PCGF5: variants seen among roughly 807,000 people sequenced by gnomAD.
The protein encoded by PCGF5 is polycomb group RING finger protein 5.
In PCGF5, 9 loss-of-function variants were observed where a neutral mutation model predicts 44.3. The ratio of observed to expected loss-of-function variants is 0.20; its 90% CI spans 0.12 to 0.35. The LOEUF is 0.35. PCGF5 is among the 10% of genes least tolerant of loss of function. The pLI is 1.00. For missense variants in PCGF5, 146 were observed against 305.3 expected, an observed-to-expected ratio of 0.48 and a Z score of 3.89; for synonymous variants, 95 against 102.5, an observed-to-expected ratio of 0.93 and a Z score of 0.44.
chr10:91,207,071 C>T (rs1844361318), intron 1 of PCGF5, among the ~76,000 whole-genome samples: 1 of 152,182 alleles, frequency 6.6e-6, no homozygotes, highest in South Asian at 2.1e-4. Context: ...AGAACATAGC[C>T]TCGCCCACTG....
intron 2 of PCGF5, among the ~76,000 whole-genome samples, chr10:91,225,790 C>A (rs1457163816): frequency 6.6e-6 from 1 of 151,950 alleles, no homozygotes; most frequent in African/African-American, 2.4e-5. Context: ...AATATAAATA[C>A]AAACAAATAT....
At chr10:91,243,188 A>G (rs1166691482) in intron 3 of PCGF5, among the ~76,000 whole-genome samples, 1 of 152,198 alleles carries the variant, frequency 6.6e-6, no homozygotes, top group African/African-American at 2.4e-5. Context: ...GTATACCAGG[A>G]GACTAAGGAG....
chr10:91,173,561 C>T (rs1279284577), intron 1 of PCGF5, among the ~76,000 whole-genome samples: 1 of 120,058 alleles, frequency 8.3e-6, no homozygotes, highest in African/African-American at 3.4e-5. Context: ...TTTTATTCTT[C>T]TGCTAGAGGG....
chr10:91,259,339 A>G (rs1370829200), intron 6 of PCGF5, among the ~76,000 whole-genome samples: 3 of 152,134 alleles, frequency 2.0e-5, no homozygotes, highest in South Asian at 2.1e-4. Flanking sequence ...GTTGAACCCT[A>G]TGGCTCCTCA....
chr10:91,260,488 C>T (rs1175751412), intron 6 of PCGF5, among the ~76,000 whole-genome samples: 1 of 152,080 alleles, frequency 6.6e-6, no homozygotes, highest in African/African-American at 2.4e-5. Context: ...ATAAATCATG[C>T]TGCTATAAAG....
intron 9 of PCGF5, among the ~76,000 whole-genome samples, chr10:91,274,479 T>C (rs1212554496): frequency 2.0e-5 from 3 of 152,218 alleles, no homozygotes; most frequent in Non-Finnish European, 2.9e-5. Context: ...AGTAAAATGA[T>C]TAATTTAACA....
chr10:91,188,464 A>T (rs547145419), intron 1 of PCGF5, among the ~76,000 whole-genome samples: 2 of 152,384 alleles, frequency 1.3e-5, no homozygotes, highest in South Asian at 2.1e-4. Flanking sequence ...AATTATGCTA[A>T]TTGCAATTTC....
chr10:91,232,171 T>C (rs1013222776), intron 2 of PCGF5, among the ~76,000 whole-genome samples: 1 of 151,662 alleles, frequency 6.6e-6, no homozygotes, highest in Non-Finnish European at 1.5e-5. Flanking sequence ...CTGTGTTAAG[T>C]GGGTTGAGTA....
chr10:91,255,884 G>A (rs750359163), intron 6 of PCGF5, among the ~76,000 whole-genome samples: 15 of 151,976 alleles, frequency 9.9e-5, no homozygotes, highest in African/African-American at 1.7e-4. Flanking sequence ...TGCACGTAAC[G>A]TATGCACAAC....
At chr10:91,216,634 TAG>T (rs1844546104), upstream of PCGF5, among the ~76,000 whole-genome samples, 2 of 152,100 alleles carry the variant, frequency 1.3e-5, no homozygotes, top group African/African-American at 4.8e-5. Context: ...CATTGAGTGA[TAG>T]AGAGTAGAGA....
intron 1 of PCGF5, among the ~76,000 whole-genome samples, chr10:91,173,852 T>C (rs918134612): frequency 6.6e-6 from 1 of 151,928 alleles, no homozygotes; most frequent in African/African-American, 2.4e-5. Context: ...GTAAAAAAAA[T>C]TGTGATACTC....
At chr10:91,165,886 T>C (rs1843491368) in intron 1 of PCGF5, among the ~76,000 whole-genome samples, 1 of 152,216 alleles carries the variant, frequency 6.6e-6, no homozygotes, top group Non-Finnish European at 1.5e-5. Flanking sequence ...AGCCCCAGTC[T>C]TGTAGCAATA....
chr10:91,268,078 A>G (rs1309379935), intron 8 of PCGF5, among the ~76,000 whole-genome samples: 5 of 152,078 alleles, frequency 3.3e-5, no homozygotes, highest in African/African-American at 9.7e-5. Flanking sequence ...AGATGTCACC[A>G]TGTCTGTGCG....
chr10:91,212,966 C>T (rs928906322), intron 1 of PCGF5, among the ~76,000 whole-genome samples: 8 of 152,058 alleles, frequency 5.3e-5, no homozygotes, highest in Non-Finnish European at 8.8e-5. Context: ...GAAGAAATAC[C>T]ATCTTCAAAG....
At chr10:91,259,852 C>T (rs1269387772) in intron 6 of PCGF5, among the ~76,000 whole-genome samples, 1 of 152,052 alleles carries the variant, frequency 6.6e-6, no homozygotes, top group Non-Finnish European at 1.5e-5. Context: ...GACCTAAAAC[C>T]ATAAAAACCC....
intron 1 of PCGF5, among the ~76,000 whole-genome samples, chr10:91,211,492 G>A (rs1844450709): frequency 6.6e-6 from 1 of 152,186 alleles, no homozygotes; most frequent in Non-Finnish European, 1.5e-5. Flanking sequence ...ACTTGTCCCT[G>A]CCTTCAGGTC....
chr10:91,278,256 C>T lies in PCGF5; in HGVS notation c.724-13C>T. 1.3e-6 allele frequency: 2 copies of T among 1,593,968 alleles called. No homozygotes were observed. The highest frequency in any genetic ancestry group is 1.1e-5 in the South Asian group (1 of 90,626). On this transcript the variant is annotated splice_polypyrimidine_tract_variant and intron_variant, in intron 9 of 9. Coordinates refer to ENST00000336126, the MANE Select transcript of PCGF5 (RefSeq NM_032373.5). Reference sequence around the variant, plus strand: ...AAATACAGTCTTATTTATTATCTGTCTTTATTTTGTAGTCATACCCTATGG... The same window carrying T: ...AAATACAGTCTTATTTATTATCTGTTTTTATTTTGTAGTCATACCCTATGG...
At chr10:91,243,846 T>C (rs553016281) in intron 3 of PCGF5, among the ~76,000 whole-genome samples, 41 of 152,338 alleles carry the variant, frequency 2.7e-4, no homozygotes, top group African/African-American at 9.1e-4. Flanking sequence ...CTGGTGTTAA[T>C]GTTCCTACTA....
At chr10:91,270,349 T>C (rs1456276671) in intron 8 of PCGF5, among the ~76,000 whole-genome samples, 1 of 150,056 alleles carries the variant, frequency 6.7e-6, no homozygotes, top group Non-Finnish European at 1.5e-5. Context: ...AGCAAGTATA[T>C]ACATCTTGAC....
Sources: allele counts gnomAD v4.1 joint callset (sites outside exome capture counted in the v4.1 genomes callset), GRCh38; gene constraint gnomAD v4.1.1; transcripts MANE v1.5; gene names NCBI Gene and HGNC (gene_info 2026-07-23, HGNC 2026-07-21).